Variants in RAB27B observed in about 807,000 individuals in gnomAD.
RAB27B encodes the protein RAB27B, member RAS oncogene family, also known as ras-related protein Rab-27B.
RAB27B carries 15 observed loss-of-function variants against 24.6 expected under a neutral mutation model. The ratio of observed to expected loss-of-function variants is 0.61; its 90% CI spans 0.41 to 0.94. The LOEUF is 0.94. RAB27B is among the 40% of genes least tolerant of loss of function. The probability of loss-of-function intolerance (pLI) is 0.00; values close to 1 mark genes in which losing one functional copy is unlikely to be tolerated. For synonymous variants in RAB27B, 105 were observed against 92.5 expected (o/e 1.14, Z -0.78); for missense variants, 261 against 266.8 (o/e 0.98, Z 0.15).
In RAB27B at chr18:54,722,589, T is replaced by C. The variant is rs143542573; in HGVS notation, c.-20+4448T>C. On this transcript the variant is annotated intron_variant, in intron 2 of 4. Transcript: ENST00000586570. ...TTTCAGGCTCAAGTAGAAGAGGCAA[T>C]TGATAAAGATCAGTATTTCTTTGAT... is the stretch of plus-strand genomic sequence containing the variant. Among the ~76,000 whole-genome samples, 238 of 152,268 alleles carry C rather than the reference T, an allele frequency of 1.6e-3. 1 individual carries two copies. The highest frequency in any genetic ancestry group is 5.1e-3 in the African/African-American group (214 of 41,582).
chr18:54,819,130 T>C (rs1036990540), intron 2 of RAB27B, among the ~76,000 whole-genome samples: 2 of 148,812 alleles, frequency 1.3e-5, no homozygotes, highest in Admixed American at 6.7e-5. Flanking sequence ...ACTTTAAAAA[T>C]AGAAATGTAC....
chr18:54,765,796 A>G (rs1167719921), intron 2 of RAB27B, among the ~76,000 whole-genome samples: 1 of 152,166 alleles, frequency 6.6e-6, no homozygotes, highest in Non-Finnish European at 1.5e-5. Flanking sequence ...TTAGTAAAAC[A>G]AAGTATTGAA....
rs78251208 is a variant in RAB27B at position 54,887,853 on chromosome 18, A to C, written c.344-142A>C. ...TACAGATAAGCACATTGTGACTGGG[A>C]AGAGGAAGTAACTTGGCCAATATAA... On this transcript the variant is annotated intron_variant, in intron 4 of 5. Coordinates refer to ENST00000262094, the MANE Select transcript of RAB27B (RefSeq NM_004163.4). 4.6e-6 allele frequency: 4 copies of C among 863,922 alleles called. No individual in the cohort carries two copies. In the East Asian group the frequency reaches 1.1e-4, roughly 23 times the overall value. The allele number at this position is 863,922 out of a possible 1,614,324, so 53.5% of individuals were successfully genotyped here.
At chr18:54,724,596 C>T (rs979957847) in intron 2 of RAB27B, among the ~76,000 whole-genome samples, 4 of 151,308 alleles carry the variant, frequency 2.6e-5, no homozygotes, top group Non-Finnish European at 5.9e-5. Context: ...TAGTGGTGTG[C>T]TCCTGAGGTG....
At chr18:54,720,879 C>T (rs1207892986) in intron 2 of RAB27B, among the ~76,000 whole-genome samples, 2 of 152,010 alleles carry the variant, frequency 1.3e-5, no homozygotes, top group Admixed American at 1.3e-4. Context: ...ACACATGCCA[C>T]AATAAATAGG....
At chr18:54,826,576 GC>G (rs1910484045), upstream of RAB27B, among the ~76,000 whole-genome samples, 2 of 152,254 alleles carry the variant, frequency 1.3e-5, no homozygotes, top group South Asian at 4.1e-4. Flanking sequence ...GCAAGAGTTG[GC>G]CCTATAAAGC....
At chr18:54,848,683 C>T (rs2145213633) in intron 1 of RAB27B, among the ~76,000 whole-genome samples, 1 of 152,232 alleles carries the variant, frequency 6.6e-6, no homozygotes, top group Admixed American at 6.5e-5. Context: ...TAACTGTAGG[C>T]AGTACCTTAC....
chr18:54,868,799 G>A (rs980080186), intron 1 of RAB27B, among the ~76,000 whole-genome samples: 1 of 152,056 alleles, frequency 6.6e-6, no homozygotes, highest in Non-Finnish European at 1.5e-5. Flanking sequence ...GCAAATTTTT[G>A]CATTTTTAGT....
chr18:54,727,947 A>C (rs1042041598), intron 2 of RAB27B, among the ~76,000 whole-genome samples: 1 of 152,216 alleles, frequency 6.6e-6, no homozygotes. Context: ...TCCACGCTAC[A>C]GCTCCCTGAC....
chr18:54,844,853 C>A (rs929408160), intron 1 of RAB27B, among the ~76,000 whole-genome samples: 1 of 152,082 alleles, frequency 6.6e-6, no homozygotes, highest in Non-Finnish European at 1.5e-5. Context: ...TACCAGTTTT[C>A]GCTGGTTGGG....
intron 2 of RAB27B, among the ~76,000 whole-genome samples, chr18:54,818,746 G>A (rs1239843452): frequency 2.0e-5 from 3 of 152,098 alleles, no homozygotes; most frequent in Admixed American, 6.6e-5. Context: ...CTATAACAAC[G>A]TGACTAGTGT....
intron 1 of RAB27B, among the ~76,000 whole-genome samples, chr18:54,859,131 T>G (rs960313897): frequency 6.6e-6 from 1 of 152,198 alleles, no homozygotes; most frequent in Non-Finnish European, 1.5e-5. Context: ...TACCCCAGTC[T>G]GTGTCCTTTC....
chr18:54,744,296 A>T (rs1910164294), intron 2 of RAB27B, among the ~76,000 whole-genome samples: 1 of 152,128 alleles, frequency 6.6e-6, no homozygotes, highest in Non-Finnish European at 1.5e-5. Flanking sequence ...TCAAAATGTG[A>T]TAAAGAAATC....
At chr18:54,782,171 A>C (rs1484933085) in intron 2 of RAB27B, among the ~76,000 whole-genome samples, 3 of 152,368 alleles carry the variant, frequency 2.0e-5, no homozygotes, top group East Asian at 1.9e-4. Context: ...ATTATTCTAA[A>C]GAATATCCTG....
chr18:54,801,019 T>TG lies in RAB27B; in HGVS notation c.-19-76548_-19-76547insG, dbSNP rs1413143475. On this transcript the variant is annotated intron_variant, in intron 2 of 4. Coordinates refer to the RAB27B transcript ENST00000586570. ...TGTTTTGTTCCTGTGTTTTTTTTTTTTTTTTTTTTTTTTAACAGAGTCTTG... is the reference window on the plus strand; with the variant it reads ...TGTTTTGTTCCTGTGTTTTTTTTTTTGTTTTTTTTTTTTTAACAGAGTCTTG... Among the ~76,000 whole-genome samples, 223 of 145,384 alleles carry TG rather than the reference T, an allele frequency of 1.5e-3. 6 individuals are homozygous for TG. The East Asian group carries it at 0.039, about 25-fold the overall frequency.
chr18:54,729,944 C>G (rs1909676350), intron 2 of RAB27B, among the ~76,000 whole-genome samples: 1 of 152,070 alleles, frequency 6.6e-6, no homozygotes, highest in African/African-American at 2.4e-5. Context: ...TCGAAGAGTT[C>G]TAATTTGCTG....
chr18:54,879,533 G>C, intron 3 of RAB27B, 79 bp downstream of exon 3: 1 of 1,151,954 alleles, frequency 8.7e-7, no homozygotes, highest in African/African-American at 1.5e-5. Context: ...ATGTGAACTT[G>C]AAAAACAAAT....
chr18:54,876,259 C>G (rs1387325874), intron 1 of RAB27B, among the ~76,000 whole-genome samples: 1 of 152,172 alleles, frequency 6.6e-6, no homozygotes, highest in African/African-American at 2.4e-5. Flanking sequence ...CACCTGGTCT[C>G]TCCCTTGACA....
At chr18:54,835,980 T>C (rs1049101140) in intron 1 of RAB27B, among the ~76,000 whole-genome samples, 2 of 151,982 alleles carry the variant, frequency 1.3e-5, no homozygotes, top group Non-Finnish European at 1.5e-5. Context: ...ACGTACTTGA[T>C]GAGAATTTAT....
Sources: allele counts gnomAD v4.1 joint callset (sites outside exome capture counted in the v4.1 genomes callset), GRCh38; gene constraint gnomAD v4.1.1; transcripts MANE v1.5; gene names NCBI Gene and HGNC (gene_info 2026-07-23, HGNC 2026-07-21).